CTNND2: variants seen among roughly 807,000 people sequenced by gnomAD.
CTNND2 encodes catenin delta 2, also known as catenin delta-2.
In CTNND2, 22 loss-of-function variants were observed where a neutral mutation model predicts 144.4. That is an observed-to-expected ratio of 0.15 (90% CI 0.11 to 0.22). CTNND2 has a LOEUF of 0.22. CTNND2 is among the 10% of genes least tolerant of loss of function. The pLI, the probability that CTNND2 is intolerant of heterozygous loss-of-function variation, is 1.00. For synonymous variants in CTNND2, 751 were observed against 695.6 expected (o/e 1.08, Z -1.25); for missense variants, 1,353 against 1,618.8 (o/e 0.84, Z 2.82).
intron 16 of CTNND2, among the ~76,000 whole-genome samples, chr5:11,082,134 T>A (rs1376140572): frequency 6.6e-6 from 1 of 152,216 alleles, no homozygotes; most frequent in Non-Finnish European, 1.5e-5. Flanking sequence ...CTGTTTTGCT[T>A]ATTGATTTAA....
intron 16 of CTNND2, among the ~76,000 whole-genome samples, chr5:11,066,778 T>C (rs1215420253): frequency 1.3e-5 from 2 of 152,176 alleles, no homozygotes; most frequent in African/African-American, 2.4e-5. Flanking sequence ...TCTGATGGGC[T>C]AAGCAAGCTG....
At chr5:11,746,132 T>A (rs951170469) in intron 1 of CTNND2, among the ~76,000 whole-genome samples, 8 of 152,088 alleles carry the variant, frequency 5.3e-5, no homozygotes, top group Non-Finnish European at 1.0e-4. Context: ...GCCTCTCCTC[T>A]CACACCTTAC....
In CTNND2 at chr5:11,402,843, C is replaced by T. The variant is rs79949768; in HGVS notation, c.440-5640G>A. On this transcript the variant is annotated intron_variant, in intron 5 of 21. Coordinates refer to ENST00000304623, the MANE Select transcript of CTNND2 (RefSeq NM_001332.4). ...GGTCAGTTGCTTTCAATGTGTAATG[C>T]TTTATGTGAAAATTAAAACGTTAAT... Among the ~76,000 whole-genome samples, 977 of 152,266 alleles carry T rather than the reference C, an allele frequency of 6.4e-3. 13 individuals carry two copies. Among genetic ancestry groups the T allele is most frequent in the Middle Eastern group, 0.02 (6 of 294 alleles).
At chr5:11,163,057 G>C (rs1047127033) in intron 11 of CTNND2, among the ~76,000 whole-genome samples, 2 of 152,242 alleles carry the variant, frequency 1.3e-5, no homozygotes. Flanking sequence ...CTTTTCCATA[G>C]TGGTTTAAAA....
At chr5:11,662,178 C>CATAT (rs531561373) in intron 2 of CTNND2, among the ~76,000 whole-genome samples, 4 of 120,392 alleles carry the variant, frequency 3.3e-5, no homozygotes, top group African/African-American at 1.2e-4. Context: ...TGTATATATA[C>CATAT]ATATATGTGT....
At chr5:11,624,210 T>G (rs1781029612) in intron 2 of CTNND2, among the ~76,000 whole-genome samples, 2 of 152,048 alleles carry the variant, frequency 1.3e-5, no homozygotes, top group African/African-American at 4.8e-5. Context: ...ATTGGATCCT[T>G]GGGACAAATC....
At chr5:10,974,881 GA>G (rs974188957) in intron 21 of CTNND2, among the ~76,000 whole-genome samples, 2 of 152,180 alleles carry the variant, frequency 1.3e-5, no homozygotes, top group Non-Finnish European at 2.9e-5. Flanking sequence ...TCAAGTAAGT[GA>G]AACTCCCTCT....
chr5:11,662,171 A>G (rs1783265335), intron 2 of CTNND2, among the ~76,000 whole-genome samples: 1 of 144,190 alleles, frequency 6.9e-6, no homozygotes, highest in Non-Finnish European at 1.5e-5. Flanking sequence ...ATATATGTGT[A>G]TATATACATA....
chr5:11,623,879 C>T (rs1581624952), intron 2 of CTNND2, among the ~76,000 whole-genome samples: 1 of 126,994 alleles, frequency 7.9e-6, no homozygotes, highest in South Asian at 2.6e-4. Flanking sequence ...CAGCCAGATT[C>T]ATAAAAGCAA....
intron 9 of CTNND2, among the ~76,000 whole-genome samples, chr5:11,259,500 T>G (rs528407633): frequency 6.6e-6 from 1 of 152,178 alleles, no homozygotes; most frequent in East Asian, 1.9e-4. Context: ...GACATCTCAC[T>G]GCATGCTCAT....
At chr5:11,824,862 A>G (rs1793516480) in intron 1 of CTNND2, among the ~76,000 whole-genome samples, 1 of 152,196 alleles carries the variant, frequency 6.6e-6, no homozygotes, top group Admixed American at 6.5e-5. Context: ...AGAAGCCTGA[A>G]CAATTCTGTC....
intron 1 of CTNND2, among the ~76,000 whole-genome samples, chr5:11,852,752 C>A (rs1469415694): frequency 6.6e-6 from 1 of 152,138 alleles, no homozygotes; most frequent in Non-Finnish European, 1.5e-5. Context: ...TGTAATAGAG[C>A]AACAAAATAT....
At chr5:10,991,110 C>T (rs946436617) in intron 19 of CTNND2, among the ~76,000 whole-genome samples, 16 of 152,146 alleles carry the variant, frequency 1.1e-4, no homozygotes, top group Admixed American at 9.8e-4. Context: ...TGATCGTCAC[C>T]CAGGGTTGGA....
chr5:10,996,510 G>A (rs1343336731), intron 18 of CTNND2, among the ~76,000 whole-genome samples: 1 of 152,138 alleles, frequency 6.6e-6, no homozygotes, highest in Non-Finnish European at 1.5e-5. Context: ...CAGCCCTCGA[G>A]GAGGGGGCTC....
intron 1 of CTNND2, among the ~76,000 whole-genome samples, chr5:11,892,963 T>G (rs1737098630): frequency 6.6e-6 from 1 of 152,216 alleles, no homozygotes; most frequent in Admixed American, 6.5e-5. Context: ...GGAATAACTT[T>G]GCTTATATTT....
chr5:11,808,088 A>G (rs1248911213), intron 1 of CTNND2, among the ~76,000 whole-genome samples: 3 of 152,178 alleles, frequency 2.0e-5, no homozygotes, highest in African/African-American at 7.2e-5. Flanking sequence ...AATAAGTCCT[A>G]CTTCTCTATC....
chr5:11,720,129 C>T (rs1451598642), intron 2 of CTNND2, among the ~76,000 whole-genome samples: 1 of 152,038 alleles, frequency 6.6e-6, no homozygotes, highest in African/African-American at 2.4e-5. Flanking sequence ...GTGAATTTCC[C>T]AAAGAGACAG....
intron 2 of CTNND2, among the ~76,000 whole-genome samples, chr5:11,667,413 T>G (rs1783629670): frequency 6.6e-6 from 1 of 152,196 alleles, no homozygotes; most frequent in Non-Finnish European, 1.5e-5. Flanking sequence ...TTTCTCCACA[T>G]CCTCTCCAGT....
intron 15 of CTNND2, among the ~76,000 whole-genome samples, chr5:11,091,436 T>A (rs1750765220): frequency 6.6e-6 from 1 of 152,232 alleles, no homozygotes. Flanking sequence ...TTAACATCTG[T>A]CAGTTCTTAG....
Sources: allele counts gnomAD v4.1 joint callset (sites outside exome capture counted in the v4.1 genomes callset), GRCh38; gene constraint gnomAD v4.1.1; transcripts MANE v1.5; gene names NCBI Gene and HGNC (gene_info 2026-07-23, HGNC 2026-07-21).